ARB2A: variants seen among roughly 807,000 people sequenced by gnomAD.
ARB2A encodes the protein cotranscriptional regulator ARB2A.
the ARB2A span, among the ~76,000 whole-genome samples, chr5:93,631,804 AGGGGGAGAGGGGAG>A: frequency 2.7e-5 from 1 of 37,038 alleles, no homozygotes. Flanking sequence ...GGATAGGGAG[AGGGGGAGAGGGGAG>A]GGGGGAGAGA....
At chr5:93,780,850 C>T in the ARB2A span, among the ~76,000 whole-genome samples, 8 of 152,166 alleles carry the variant, frequency 5.3e-5, no homozygotes, top group East Asian at 1.9e-4. Flanking sequence ...TGAGCCACCA[C>T]GCCTGGCCTG....
chr5:93,623,072 T>C, the ARB2A span, among the ~76,000 whole-genome samples: 12 of 151,658 alleles, frequency 7.9e-5, no homozygotes, highest in Non-Finnish European at 1.3e-4. Context: ...GACCAGTTTC[T>C]GGATAGGGTT....
chr5:93,792,636 A>G, the ARB2A span, among the ~76,000 whole-genome samples: 1 of 144,778 alleles, frequency 6.9e-6, no homozygotes, highest in African/African-American at 2.5e-5. Context: ...TCACTCATAG[A>G]TGGGAATTGA....
chr5:94,078,290 T>G, the ARB2A span, among the ~76,000 whole-genome samples: 3 of 152,200 alleles, frequency 2.0e-5, no homozygotes, highest in Admixed American at 6.5e-5. Context: ...GCCCTAAAGA[T>G]TCTATGCTCA....
At chr5:94,025,806 T>A in the ARB2A span, among the ~76,000 whole-genome samples, 1 of 152,224 alleles carries the variant, frequency 6.6e-6, no homozygotes, top group African/African-American at 2.4e-5. Flanking sequence ...GCCAGAGACC[T>A]CTGGCCAGTG....
the ARB2A span, among the ~76,000 whole-genome samples, chr5:93,937,162 C>T: frequency 1.3e-5 from 2 of 151,322 alleles, no homozygotes; most frequent in Admixed American, 6.6e-5. Context: ...CGTGAGCCAC[C>T]GCGCCCGGCC....
At chr5:93,975,316 C>CA in the ARB2A span, among the ~76,000 whole-genome samples, 3,922 of 61,162 alleles carry the variant, frequency 0.064, 115 homozygotes, top group Non-Finnish European at 0.076. Flanking sequence ...GACTCCATCT[C>CA]AAAAAAAAAA....
chr5:93,975,937 T>C, the ARB2A span, among the ~76,000 whole-genome samples: 1 of 151,798 alleles, frequency 6.6e-6, no homozygotes, highest in Admixed American at 6.6e-5. Context: ...TATCCCAATC[T>C]GGTAAAGATA....
At chr5:94,078,465 T>C in the ARB2A span, among the ~76,000 whole-genome samples, 1 of 152,220 alleles carries the variant, frequency 6.6e-6, no homozygotes, top group African/African-American at 2.4e-5. Flanking sequence ...ATAGTAATGC[T>C]GGACAGCATT....
the ARB2A span, among the ~76,000 whole-genome samples, chr5:93,634,396 C>CA: frequency 0.16 from 23,396 of 142,392 alleles, 2,218 homozygotes; most frequent in African/African-American, 0.26. Context: ...GACACTGTCT[C>CA]AAAAAAAAAC....
chr5:93,905,203 TTGTG>T, the ARB2A span, among the ~76,000 whole-genome samples: 1 of 151,518 alleles, frequency 6.6e-6, no homozygotes, highest in Admixed American at 6.6e-5. Flanking sequence ...TTCCCCAACT[TTGTG>T]TGTGTGTATG....
the ARB2A span, among the ~76,000 whole-genome samples, chr5:93,912,195 A>G: frequency 5.3e-5 from 8 of 151,702 alleles, no homozygotes; most frequent in Non-Finnish European, 1.2e-4. Context: ...GCACTTAGTG[A>G]GCAGAATTCT....
At chr5:94,033,142 A>G in the ARB2A span, among the ~76,000 whole-genome samples, 1 of 152,128 alleles carries the variant, frequency 6.6e-6, no homozygotes, top group Non-Finnish European at 1.5e-5. Context: ...GGCCTCCCCA[A>G]ACATGTGGAA....
chr5:93,662,975 C>CATGTGG, the ARB2A span, among the ~76,000 whole-genome samples: 1 of 152,178 alleles, frequency 6.6e-6, no homozygotes, highest in Non-Finnish European at 1.5e-5. Context: ...CTTGTGTCCT[C>CATGTGG]ATGTGGCAAA....
the ARB2A span, among the ~76,000 whole-genome samples, chr5:94,000,293 T>C: frequency 4.9e-4 from 74 of 152,154 alleles, 1 homozygote; most frequent in South Asian, 0.012. Context: ...TAAATGAGAG[T>C]TCCTATTGCT....
chr5:94,078,693 C>A, the ARB2A span, among the ~76,000 whole-genome samples: 1 of 151,992 alleles, frequency 6.6e-6, no homozygotes, highest in Non-Finnish European at 1.5e-5. Flanking sequence ...ATACCAGGTT[C>A]CAATCCAAGT....
the ARB2A span, among the ~76,000 whole-genome samples, chr5:93,918,430 C>CTTTTTTTTTTTTTTTTTTTTTTTTT: frequency 9.3e-6 from 1 of 107,354 alleles, no homozygotes; most frequent in Non-Finnish European, 1.9e-5. Context: ...TTCCAAATTT[C>CTTTTTTTTTTTTTTTTTTTTTTTTT]TTTTTTTTTT....
At chr5:93,627,443 GTTTT>G in the ARB2A span, among the ~76,000 whole-genome samples, 1 of 130,536 alleles carries the variant, frequency 7.7e-6, no homozygotes, top group South Asian at 2.6e-4. Context: ...AATGTGTTTT[GTTTT>G]TTTTTTTTTT....
chr5:93,759,391 T>A, the ARB2A span, among the ~76,000 whole-genome samples: 88 of 152,262 alleles, frequency 5.8e-4, 4 homozygotes, highest in East Asian at 0.016. Flanking sequence ...CCCTAATTCA[T>A]TCTATGAAGC....
Sources: gnomAD v4.1 joint callset for allele counts (sites outside exome capture counted in the v4.1 genomes callset) on GRCh38, gnomAD v4.1.1 for gene constraint, MANE v1.5 for transcripts, NCBI Gene and HGNC (gene_info 2026-07-23, HGNC 2026-07-21) for gene names.